OGDH: variants seen among roughly 807,000 people sequenced by gnomAD.
OGDH encodes the protein 2-oxoglutarate dehydrogenase complex component E1.
In OGDH, 38 loss-of-function variants were observed where a neutral mutation model predicts 116.6. The observed-to-expected ratio is 0.33, with a 90% CI of 0.25 to 0.43. The LOEUF (loss-of-function observed/expected upper bound fraction) is 0.43. OGDH is among the 20% of genes least tolerant of loss of function. OGDH has a pLI of 1.00. For synonymous variants in OGDH, 488 were observed against 533.3 expected, an observed-to-expected ratio of 0.92 and a Z score of 1.17; for missense variants, 825 against 1,357.2, an observed-to-expected ratio of 0.61 and a Z score of 6.16.
At chr7:44,642,520 T>C (rs1307676022) in intron 2 of OGDH, among the ~76,000 whole-genome samples, 1 of 152,232 alleles carries the variant, frequency 6.6e-6, no homozygotes, top group Non-Finnish European at 1.5e-5. Flanking sequence ...TAATAGGTTT[T>C]GTGGGAGGTG....
intron 1 of OGDH, among the ~76,000 whole-genome samples, chr7:44,606,880 G>GCGGGCGGAGATTGGCGGGTA: frequency 6.6e-6 from 1 of 152,146 alleles, no homozygotes; most frequent in Non-Finnish European, 1.5e-5. Flanking sequence ...GGCCTGCCCG[G>GCGGGCGGAGATTGGCGGGTA]CGGGCGGAGA....
intron 4 of OGDH, 28 bp downstream of exon 4, chr7:44,647,787 T>A (rs757220064): frequency 6.4e-7 from 1 of 1,564,252 alleles, no homozygotes; most frequent in South Asian, 1.1e-5. Context: ...GTCAGCTGCG[T>A]TGCTTGAGCT....
intron 12 of OGDH, 31 bp from the exon 13 acceptor site, chr7:44,695,994 C>A: frequency 1.6e-6 from 2 of 1,218,434 alleles, no homozygotes; most frequent in South Asian, 1.2e-5. Context: ...TGCCCTGTGC[C>A]AGTCACGCTG....
At chr7:44,686,516 A>C (rs895541568) in intron 10 of OGDH, among the ~76,000 whole-genome samples, 2 of 152,092 alleles carry the variant, frequency 1.3e-5, no homozygotes, top group African/African-American at 4.8e-5. Context: ...TGGTTTTGCT[A>C]TCAGGGTAAT....
At chr7:44,692,965 C>G (rs545731551) in intron 10 of OGDH, among the ~76,000 whole-genome samples, 1 of 151,392 alleles carries the variant, frequency 6.6e-6, no homozygotes. Flanking sequence ...ACGATTGCAC[C>G]ACTGCACTCC....
At position 44,700,276 on chromosome 7, in the gene OGDH, G is replaced by A; in HGVS notation, c.2559+7G>A. The A allele has an allele frequency of 6.2e-7, 1 of 1,614,036 alleles. No individual in the cohort carries two copies. Among genetic ancestry groups the A allele is most frequent in the Non-Finnish European group, 8.5e-7 (1 of 1,179,944 alleles). ...GCTGCCATTCCGGAAGCCGGTCAGT[G>A]GCAGGGCCTCCCTTGCTCAAACGAG... On this transcript the variant is annotated splice_region_variant and intron_variant, in intron 19 of 22. Coordinates refer to ENST00000222673, the MANE Select transcript of OGDH (RefSeq NM_002541.4).
At chr7:44,633,858 A>T (rs1286446139) in intron 2 of OGDH, among the ~76,000 whole-genome samples, 1 of 152,232 alleles carries the variant, frequency 6.6e-6, no homozygotes, top group East Asian at 1.9e-4. Flanking sequence ...AAAATGTGCC[A>T]TTGTGTGCAG....
chr7:44,706,904 G>C (rs969834285), intron 20 of OGDH, among the ~76,000 whole-genome samples: 1 of 152,142 alleles, frequency 6.6e-6, no homozygotes, highest in Non-Finnish European at 1.5e-5. Context: ...GATTGCAGGC[G>C]TGAGCCACCG....
At chr7:44,656,212 A>G (rs2115922270) in intron 4 of OGDH, 1 of 1,054,058 alleles carries the variant, frequency 9.5e-7, no homozygotes, top group African/African-American at 1.6e-5. Context: ...GCTACCTGTT[A>G]CTGTGGTAAT....
chr7:44,674,682 A>G, intron 7 of OGDH, 125 bp downstream of exon 7: 1 of 1,018,260 alleles, frequency 9.8e-7, no homozygotes, highest in Admixed American at 2.3e-5. Context: ...GTCTGGGCTC[A>G]TCTGGTACCT....
intron 10 of OGDH, among the ~76,000 whole-genome samples, chr7:44,690,601 G>T (rs879358703): frequency 6.6e-6 from 1 of 152,146 alleles, no homozygotes; most frequent in Admixed American, 6.6e-5. Flanking sequence ...TAACCCTGCC[G>T]GTAGAGTGCA....
intron 4 of OGDH, among the ~76,000 whole-genome samples, chr7:44,661,351 G>A (rs1385547677): frequency 1.3e-5 from 2 of 152,124 alleles, no homozygotes; most frequent in East Asian, 3.9e-4. Flanking sequence ...TTTGAAGTGA[G>A]TTTCTTGTGG....
Position 44,696,491 on chromosome 7 carries a change from G to C in OGDH, c.1834G>C (p.Asp612His). Reference sequence around the variant, plus strand: ...CTGCCCCTCCACGGGTCTGACGGAGGATATTCTGACACACATCGGGAATGT... The same window carrying C: ...CTGCCCCTCCACGGGTCTGACGGAGCATATTCTGACACACATCGGGAATGT... ...MSCPSTGLTEDILTHIGNVAS... is the reference protein window; with the variant it reads ...MSCPSTGLTEHILTHIGNVAS... The change falls in exon 14 of 23, where the codon GAT becomes CAT. Residue 612 changes from aspartate to histidine, a missense_variant. By Grantham distance (81) the Asp-to-His change is moderately conservative. This residue lies in a region of OGDH where 92 missense variants were observed against 129.7 expected (regional missense o/e 0.71). Transcript: ENST00000222673. 1 of 1,614,230 alleles carries C rather than the reference G, an allele frequency of 6.2e-7. No individual in the cohort carries two copies. Among genetic ancestry groups the C allele is most frequent in the Non-Finnish European group, 8.5e-7 (1 of 1,180,042 alleles).
At chr7:44,663,243 T>C (rs1787027052) in intron 4 of OGDH, among the ~76,000 whole-genome samples, 1 of 152,240 alleles carries the variant, frequency 6.6e-6, no homozygotes, top group African/African-American at 2.4e-5. Context: ...TTTAAAAAAA[T>C]TCTATTTGGT....
intron 4 of OGDH, among the ~76,000 whole-genome samples, chr7:44,648,651 A>T (rs113120678): frequency 3.0e-5 from 4 of 133,814 alleles, no homozygotes; most frequent in Admixed American, 2.1e-4. Context: ...AATGGTACAG[A>T]CAGTCTCTAA....
At chr7:44,632,472 T>C (rs1785483131) in intron 2 of OGDH, among the ~76,000 whole-genome samples, 1 of 152,140 alleles carries the variant, frequency 6.6e-6, no homozygotes. Flanking sequence ...CTGACTAATA[T>C]TTTATATTTT....
At chr7:44,702,374 G>A (rs1041611821) in intron 20 of OGDH, among the ~76,000 whole-genome samples, 7 of 152,176 alleles carry the variant, frequency 4.6e-5, no homozygotes, top group African/African-American at 1.7e-4. Flanking sequence ...TCACATGCCA[G>A]CTGCACTTGT....
chr7:44,706,264 TTA>T (rs1789065579), intron 20 of OGDH, among the ~76,000 whole-genome samples: 2 of 152,124 alleles, frequency 1.3e-5, no homozygotes, highest in Non-Finnish European at 2.9e-5. Flanking sequence ...TTGAAAGTTT[TTA>T]TATTTGTAAA....
intron 5 of OGDH, among the ~76,000 whole-genome samples, chr7:44,671,699 C>T (rs1327285600): frequency 1.4e-5 from 2 of 142,382 alleles, no homozygotes; most frequent in East Asian, 2.1e-4. Flanking sequence ...ACCCGGGAGG[C>T]GGAGGTTGCA....
Sources: gnomAD v4.1 joint callset for allele counts (sites outside exome capture counted in the v4.1 genomes callset) on GRCh38, gnomAD v4.1.1 for gene constraint, gnomAD v4.1.1 regional missense constraint, MANE v1.5 for transcripts, NCBI Gene and HGNC (gene_info 2026-07-23, HGNC 2026-07-21) for gene names.